PTGER4: variants seen among roughly 807,000 people sequenced by gnomAD.
PTGER4 encodes the protein prostaglandin E receptor 4.
A neutral mutation model predicts 33.2 loss-of-function variants in PTGER4; 11 were observed. That is an observed-to-expected ratio of 0.33 (90% CI 0.21 to 0.55). The LOEUF (loss-of-function observed/expected upper bound fraction) is 0.55, where lower values mean the gene tolerates loss of function less well. Ranked by LOEUF, PTGER4 falls within the 20% of genes least tolerant of loss-of-function variation. The pLI is 0.92. For synonymous variants in PTGER4, 275 were observed against 281.5 expected (o/e 0.98, Z 0.23); for missense variants, 481 against 650.2 (o/e 0.74, Z 2.83).
chr5:40,689,660 A>G (rs1741419962), intron 2 of PTGER4, among the ~76,000 whole-genome samples: 1 of 152,206 alleles, frequency 6.6e-6, no homozygotes, highest in Admixed American at 6.5e-5. Context: ...TTCATACACC[A>G]TGAGTCATTC....
At chr5:40,739,340 C>T in the PTGER4 span, among the ~76,000 whole-genome samples, 11 of 152,280 alleles carry the variant, frequency 7.2e-5, no homozygotes, top group Non-Finnish European at 1.2e-4. Context: ...AGATCAATTT[C>T]GGGAGAACTG....
chr5:40,716,390 G>T, the PTGER4 span: 1 of 1,613,982 alleles, frequency 6.2e-7, no homozygotes, highest in African/African-American at 1.3e-5. Flanking sequence ...TTAATCCTCT[G>T]TGCTACCTTC....
chr5:40,743,112 A>G, the PTGER4 span, among the ~76,000 whole-genome samples: 4 of 152,360 alleles, frequency 2.6e-5, no homozygotes, highest in Non-Finnish European at 4.4e-5. Flanking sequence ...CAGTAACTTC[A>G]AAAAGGGAGA....
chr5:40,742,781 A>G, the PTGER4 span, among the ~76,000 whole-genome samples: 1 of 152,226 alleles, frequency 6.6e-6, no homozygotes, highest in African/African-American at 2.4e-5. Context: ...TTATTCCCAA[A>G]GGTCCTTTGT....
chr5:40,683,878 G>C lies in PTGER4; in HGVS notation c.867+2018G>C, dbSNP rs2081201451. On this transcript the variant is annotated intron_variant, in intron 2 of 2. Coordinates refer to ENST00000302472, the MANE Select transcript of PTGER4 (RefSeq NM_000958.3). This position sits in a 1 kb window ranked among gnomAD's most constrained non-coding sequence, Gnocchi z 4.2. ...CACATTTTAACTAACAAGAAATACTGTCCACCTGTATAATGTTAGTAACGT... is the reference window on the plus strand; with the variant it reads ...CACATTTTAACTAACAAGAAATACTCTCCACCTGTATAATGTTAGTAACGT... Among the ~76,000 whole-genome samples the C allele has an allele frequency of 6.6e-6, 1 of 152,124 alleles. No individual in the cohort carries two copies. Among genetic ancestry groups the C allele is most frequent in the Non-Finnish European group, 1.5e-5 (1 of 68,026 alleles).
intron 2 of PTGER4, among the ~76,000 whole-genome samples, chr5:40,687,151 T>TTC (rs2111800420): frequency 6.6e-6 from 1 of 152,272 alleles, no homozygotes; most frequent in South Asian, 2.1e-4. Flanking sequence ...GTTCAAGTGA[T>TTC]TCTCCTGCCT....
chr5:40,746,562 G>A, the PTGER4 span, among the ~76,000 whole-genome samples: 1 of 151,970 alleles, frequency 6.6e-6, no homozygotes, highest in Non-Finnish European at 1.5e-5. Flanking sequence ...GGCAAAGCAG[G>A]GACATAATTA....
chr5:40,708,224 A>G, the PTGER4 span, among the ~76,000 whole-genome samples: 1 of 152,226 alleles, frequency 6.6e-6, no homozygotes, highest in Non-Finnish European at 1.5e-5. Context: ...AAACCTTCAA[A>G]AAATCAATGA....
chr5:40,737,921 G>A, the PTGER4 span, among the ~76,000 whole-genome samples: 753 of 152,230 alleles, frequency 4.9e-3, 8 homozygotes, highest in African/African-American at 0.017. Context: ...GAATACTATT[G>A]TATGGATATA....
At chr5:40,739,731 G>GT in the PTGER4 span, among the ~76,000 whole-genome samples, 1 of 152,096 alleles carries the variant, frequency 6.6e-6, no homozygotes, top group Non-Finnish European at 1.5e-5. Flanking sequence ...AATTAAACCT[G>GT]TTTTTTTCAT....
At chr5:40,728,433 G>C in the PTGER4 span, 4 of 1,613,770 alleles carry the variant, frequency 2.5e-6, no homozygotes, top group Non-Finnish European at 3.4e-6. Flanking sequence ...GGCCATTTCT[G>C]CTGCATGTAC....
chr5:40,706,122 T>C, the PTGER4 span, among the ~76,000 whole-genome samples: 1 of 152,200 alleles, frequency 6.6e-6, no homozygotes, highest in African/African-American at 2.4e-5. Context: ...ATGGTACATA[T>C]ACATCATGGA....
At chr5:40,733,656 A>G in the PTGER4 span, among the ~76,000 whole-genome samples, 1 of 152,142 alleles carries the variant, frequency 6.6e-6, no homozygotes, top group African/African-American at 2.4e-5. Context: ...AGGGTCAGGG[A>G]TGTTAACATT....
At chr5:40,725,975 C>T in the PTGER4 span, among the ~76,000 whole-genome samples, 8 of 151,378 alleles carry the variant, frequency 5.3e-5, no homozygotes, top group East Asian at 3.9e-4. Context: ...TTAGTAGAGA[C>T]GGGGTTTCAC....
At chr5:40,743,570 C>G in the PTGER4 span, among the ~76,000 whole-genome samples, 2 of 151,594 alleles carry the variant, frequency 1.3e-5, no homozygotes, top group African/African-American at 4.9e-5. Flanking sequence ...GTCAGGGGTT[C>G]AAGACCAGCC....
At chr5:40,707,918 C>A in the PTGER4 span, among the ~76,000 whole-genome samples, 2 of 152,170 alleles carry the variant, frequency 1.3e-5, no homozygotes, top group Non-Finnish European at 2.9e-5. Flanking sequence ...AAACAACCTG[C>A]TCCTGAATGA....
the PTGER4 span, among the ~76,000 whole-genome samples, chr5:40,739,068 T>C: frequency 2.0e-5 from 3 of 152,206 alleles, no homozygotes; most frequent in African/African-American, 7.2e-5. Flanking sequence ...ACCACATACA[T>C]GTGGGTCATT....
chr5:40,683,245 A>G lies in PTGER4; in HGVS notation c.867+1385A>G, dbSNP rs1317310677. ...TCTTTGGTGTAAAAATATATCTTTG[A>G]TAAAAGTGACTGTAAATGGAAGGAA... On this transcript the variant is annotated intron_variant, in intron 2 of 2. Transcript: ENST00000302472. The surrounding 1 kb of genome is among the most constrained non-coding windows in gnomAD (Gnocchi z 4.2). Among the ~76,000 whole-genome samples the G allele has an allele frequency of 6.6e-6, 1 of 152,222 alleles. No homozygotes were observed. Among genetic ancestry groups the G allele is most frequent in the Non-Finnish European group, 1.5e-5 (1 of 68,032 alleles).
At chr5:40,735,319 T>C in the PTGER4 span, among the ~76,000 whole-genome samples, 1 of 152,292 alleles carries the variant, frequency 6.6e-6, no homozygotes, top group Admixed American at 6.5e-5. Flanking sequence ...GAAGGCTAGA[T>C]ATGAGACAAC....
Sources: gnomAD v4.1 joint callset for allele counts (sites outside exome capture counted in the v4.1 genomes callset) on GRCh38, gnomAD v4.1.1 for gene constraint, Gnocchi (gnomAD v3.1) non-coding constraint, MANE v1.5 for transcripts, NCBI Gene and HGNC (gene_info 2026-07-23, HGNC 2026-07-21) for gene names.